The following SMAD3 variants were observed in gnomAD, a reference collection of about 807,000 sequenced individuals.
SMAD3 encodes SMAD family member 3.
SMAD3 carries 12 observed loss-of-function variants against 51.8 expected under a neutral mutation model. The observed-to-expected ratio is 0.23, with a 90% CI of 0.15 to 0.38. The LOEUF (loss-of-function observed/expected upper bound fraction) is 0.38. SMAD3 is among the 10% of genes least tolerant of loss of function. The pLI is 1.00. For synonymous variants in SMAD3, 238 were observed against 227.7 expected, an observed-to-expected ratio of 1.05 and a Z score of -0.41; for missense variants, 294 against 565.6, an observed-to-expected ratio of 0.52 and a Z score of 4.87.
chr15:67,078,296 T>A (rs1960213704), intron 1 of SMAD3, among the ~76,000 whole-genome samples: 4 of 152,184 alleles, frequency 2.6e-5, no homozygotes, highest in Admixed American at 2.6e-4. Flanking sequence ...GCCCCCAAAT[T>A]AGATCTCGGC....
intron 6 of SMAD3, among the ~76,000 whole-genome samples, chr15:67,183,549 A>C (rs1354751510): frequency 6.6e-6 from 1 of 152,160 alleles, no homozygotes; most frequent in African/African-American, 2.4e-5. Flanking sequence ...TAGTGGGAAT[A>C]GGAGGCAGGA....
In SMAD3 at chr15:67,190,455, C is replaced by T. The variant is rs760873147; in HGVS notation, c.1197C>T (p.His399=). 3 of 1,613,894 alleles carry T rather than the reference C, an allele frequency of 1.9e-6. No individual in the cohort carries two copies. The highest frequency in any genetic ancestry group is 1.1e-5 in the South Asian group (1 of 91,072). The change falls in exon 9 of 9, where the codon CAC becomes CAT. Residue 399 remains histidine, a synonymous_variant. Coordinates refer to ENST00000327367, the MANE Select transcript of SMAD3 (RefSeq NM_005902.4). ...GTACCCCCTGCTGGATTGAGCTGCACCTGAATGGGCCTTTGCAGTGGCTTG... is the reference window on the plus strand; with the variant it reads ...GTACCCCCTGCTGGATTGAGCTGCATCTGAATGGGCCTTTGCAGTGGCTTG... The part of the protein sequence containing the change: ...VTSTPCWIEL[H]LNGPLQWLDK...
chr15:67,097,333 G>A (rs184199837), intron 1 of SMAD3, among the ~76,000 whole-genome samples: 5 of 152,232 alleles, frequency 3.3e-5, no homozygotes, highest in Admixed American at 3.3e-4. Context: ...TCCCACCTCA[G>A]CCTCCTGAGT....
rs1455422771 is a variant in SMAD3 at position 67,193,878 on chromosome 15, A to G, written c.*3342A>G. On this transcript the variant is annotated 3_prime_UTR_variant, in exon 9 of 9. Coordinates refer to ENST00000327367, the MANE Select transcript of SMAD3 (RefSeq NM_005902.4). ...TCAAGACTACAGAAAGGTTTGAAGT[A>G]GTGTGTGCATGGCATGCACGTATGT... 4.3e-6 allele frequency: 1 copy of G among 233,144 alleles called. No individual in the cohort carries two copies. Among genetic ancestry groups the G allele is most frequent in the Non-Finnish European group, 8.5e-6 (1 of 117,872 alleles). The allele number at this position is 233,144 out of a possible 1,614,324, so 14.4% of individuals were successfully genotyped here.
At chr15:67,107,744 C>T (rs1418397379) in intron 1 of SMAD3, among the ~76,000 whole-genome samples, 1 of 152,200 alleles carries the variant, frequency 6.6e-6, no homozygotes, top group East Asian at 1.9e-4. Context: ...CCTTCCCTTC[C>T]ATAGGGATAT....
chr15:67,102,710 G>A (rs889999055), intron 1 of SMAD3, among the ~76,000 whole-genome samples: 9 of 152,260 alleles, frequency 5.9e-5, no homozygotes, highest in African/African-American at 1.7e-4. Flanking sequence ...AGGGAGTGAC[G>A]TTGAATGGAC....
intron 1 of SMAD3, among the ~76,000 whole-genome samples, chr15:67,160,628 G>A (rs935945446): frequency 2.0e-5 from 3 of 151,886 alleles, no homozygotes; most frequent in Non-Finnish European, 2.9e-5. Context: ...AAAATTAGCC[G>A]GGCGCGGTGC....
At position 67,190,607 on chromosome 15, in the gene SMAD3, C is replaced by T. The variant is rs1011730589; in HGVS notation, c.*71C>T. On this transcript the variant is annotated 3_prime_UTR_variant, in exon 9 of 9. Transcript: ENST00000327367. ...ATGCAGGAGGTGGAGAAAATTGGAA[C>T]TCTACTCAACCCATTGTTGTCAAGG... The T allele has an allele frequency of 8.8e-6, 13 of 1,480,116 alleles. No homozygotes were observed. In the Admixed American group the frequency reaches 1.0e-4, roughly 12 times the overall value. The allele number at this position is 1,480,116 out of a possible 1,614,324, so 91.7% of individuals were successfully genotyped here.
chr15:67,177,220 G>A (rs1962923206), intron 5 of SMAD3, among the ~76,000 whole-genome samples: 1 of 152,096 alleles, frequency 6.6e-6, no homozygotes, highest in Non-Finnish European at 1.5e-5. Flanking sequence ...ACCAACCAGA[G>A]CCATAGACCA....
At position 67,159,603 on chromosome 15, in the gene SMAD3, A is replaced by G. The variant is rs566077565; in HGVS notation, c.207-5292A>G. Among the ~76,000 whole-genome samples, 18 of 152,314 alleles carry G rather than the reference A, an allele frequency of 1.2e-4. 1 individual carries two copies. The South Asian group carries it at 3.7e-3, about 32-fold the overall frequency. ...AACCACCATAGCAGTAAGAGAATAT[A>G]CATAACCTTTACCCCCAAAAAAGTT... is the stretch of plus-strand genomic sequence containing the variant. On this transcript the variant is annotated intron_variant, in intron 1 of 8. Transcript: ENST00000327367.
chr15:67,094,814 TC>T lies in SMAD3; in HGVS notation c.206+28455del, dbSNP rs1595895500. 1.0e-4 allele frequency among the ~76,000 whole-genome samples: 9 copies of T among 90,178 alleles called. No homozygotes were observed. The South Asian group carries it at 5.1e-3, about 51-fold the overall frequency. The allele number at this position is 90,178 out of a possible 152,430, so 59.2% of individuals were successfully genotyped here. A position where few individuals can be genotyped will look rare whatever the true frequency, so the allele number is the denominator to read the frequency against. On this transcript the variant is annotated intron_variant, in intron 1 of 8. Transcript: ENST00000327367. ...ACTTGATGTTCCAGAGCGTTTGGAG[TC>T]AAGAGTTGCACTCTTTTTTCTTGCA...
intron 1 of SMAD3, among the ~76,000 whole-genome samples, chr15:67,127,875 C>CT (rs1239806130): frequency 2.6e-5 from 4 of 152,196 alleles, no homozygotes; most frequent in Non-Finnish European, 4.4e-5. Context: ...GGTAGGGAGA[C>CT]TATCAATGAA....
At chr15:67,119,021 A>G (rs904171419) in intron 1 of SMAD3, among the ~76,000 whole-genome samples, 1 of 152,120 alleles carries the variant, frequency 6.6e-6, no homozygotes, top group Admixed American at 6.6e-5. Context: ...AGTTTGGGGG[A>G]GAGGTCTGAG....
intron 1 of SMAD3, among the ~76,000 whole-genome samples, chr15:67,143,477 C>A (rs2033786): frequency 1.3e-5 from 2 of 152,108 alleles, no homozygotes; most frequent in Non-Finnish European, 2.9e-5. Flanking sequence ...CCCTGTAGCC[C>A]AGGCTGGAGT....
intron 1 of SMAD3, among the ~76,000 whole-genome samples, chr15:67,072,650 A>G (rs958727347): frequency 2.0e-5 from 3 of 152,336 alleles, no homozygotes; most frequent in Admixed American, 1.3e-4. Flanking sequence ...CTGAATGTGC[A>G]GGGGGTGGAA....
At chr15:67,081,967 G>A (rs571010931) in intron 1 of SMAD3, among the ~76,000 whole-genome samples, 1 of 151,654 alleles carries the variant, frequency 6.6e-6, no homozygotes, top group Non-Finnish European at 1.5e-5. Flanking sequence ...TTTTGCCATT[G>A]AAAATAATGG....
chr15:67,132,891 C>G (rs779940993), intron 1 of SMAD3, among the ~76,000 whole-genome samples: 1 of 152,162 alleles, frequency 6.6e-6, no homozygotes, highest in Non-Finnish European at 1.5e-5. Context: ...ATCAGACTCC[C>G]CGTAACTTCT....
At chr15:67,134,832 C>T (rs1961616108) in intron 1 of SMAD3, among the ~76,000 whole-genome samples, 1 of 152,176 alleles carries the variant, frequency 6.6e-6, no homozygotes, top group South Asian at 2.1e-4. Flanking sequence ...TTTATGTGTG[C>T]TGTTGCCCCT....
Position 67,190,846 on chromosome 15 carries a change from C to T in SMAD3, c.*310C>T, listed in dbSNP as rs1367439621. On this transcript the variant is annotated 3_prime_UTR_variant, in exon 9 of 9. Coordinates refer to ENST00000327367, the MANE Select transcript of SMAD3 (RefSeq NM_005902.4). Reference sequence around the variant, plus strand: ...ACCACCGGCCCCCTCCCCCCAGACTCTTTTTTTGAGTGACAGCTTTCTGGG... The same window carrying T: ...ACCACCGGCCCCCTCCCCCCAGACTTTTTTTTTGAGTGACAGCTTTCTGGG... The T allele has an allele frequency of 4.5e-6, 2 of 446,738 alleles. No homozygotes were observed. Among genetic ancestry groups the T allele is most frequent in the East Asian group, 3.7e-5 (1 of 26,964 alleles). 27.7% of individuals were successfully genotyped at this position (446,738 alleles called of 1,614,324 possible).
Sources: gnomAD v4.1 joint callset for allele counts (sites outside exome capture counted in the v4.1 genomes callset) on GRCh38, gnomAD v4.1.1 for gene constraint, MANE v1.5 for transcripts, NCBI Gene and HGNC (gene_info 2026-07-23, HGNC 2026-07-21) for gene names.